The following GALNT2 variants were observed in gnomAD, a reference collection of about 807,000 sequenced individuals.
The protein encoded by GALNT2 is polypeptide N-acetylgalactosaminyltransferase 2, also known as UDP-GalNAc:polypeptide N-acetylgalactosaminyltransferase 2.
A neutral mutation model predicts 81.4 loss-of-function variants in GALNT2; 31 were observed. The ratio of observed to expected loss-of-function variants is 0.38; its 90% CI spans 0.29 to 0.51. The LOEUF (loss-of-function observed/expected upper bound fraction) is 0.51. Among genes scored for constraint, GALNT2 ranks in the 20% least tolerant of loss-of-function variants. The pLI is 0.87. For missense variants in GALNT2, 629 were observed against 765.7 expected, an observed-to-expected ratio of 0.82 and a Z score of 2.11; for synonymous variants, 303 against 287.4, an observed-to-expected ratio of 1.05 and a Z score of -0.55.
Position 230,166,444 on chromosome 1 carries a change from C to T in GALNT2, c.127-11774C>T, listed in dbSNP as rs113016862. Among the ~76,000 whole-genome samples, 255 of 152,326 alleles carry T rather than the reference C, an allele frequency of 1.7e-3. 1 individual carries two copies. Among genetic ancestry groups the T allele is most frequent in the African/African-American group, 5.8e-3 (241 of 41,574 alleles). On this transcript the variant is annotated intron_variant, in intron 1 of 15. Coordinates refer to ENST00000366672, the MANE Select transcript of GALNT2 (RefSeq NM_004481.5). ...TTTCACCATCTTTCTAAATATCCCACGTGGGTCATATCATTTTACCAACTT... is the reference window on the plus strand; with the variant it reads ...TTTCACCATCTTTCTAAATATCCCATGTGGGTCATATCATTTTACCAACTT...
At chr1:230,258,323 G>A (rs1034122741) in intron 11 of GALNT2, among the ~76,000 whole-genome samples, 33 of 151,674 alleles carry the variant, frequency 2.2e-4, no homozygotes, top group Admixed American at 1.3e-3. Context: ...TCCACCTCCC[G>A]GATTCAAGCG....
intron 13 of GALNT2, 61 bp from the exon 14 acceptor site, chr1:230,265,180 T>A: frequency 6.2e-7 from 1 of 1,610,434 alleles, no homozygotes; most frequent in Non-Finnish European, 8.5e-7. Flanking sequence ...GCAAAGGGGC[T>A]GGTGGACGGG....
intron 3 of GALNT2, among the ~76,000 whole-genome samples, chr1:230,231,473 A>G (rs927864670): frequency 5.3e-5 from 8 of 152,188 alleles, no homozygotes; most frequent in Admixed American, 1.3e-4. Flanking sequence ...ACCGTGAAAC[A>G]GCCTTCTGTG....
intron 1 of GALNT2, among the ~76,000 whole-genome samples, chr1:230,092,648 G>T (rs1660127392): frequency 6.6e-6 from 1 of 152,062 alleles, no homozygotes; most frequent in South Asian, 2.1e-4. Context: ...CTGGCCAAGG[G>T]TGACATTTCT....
chr1:230,075,103 T>C (rs1398937458), intron 1 of GALNT2, among the ~76,000 whole-genome samples: 1 of 131,766 alleles, frequency 7.6e-6, no homozygotes, highest in Non-Finnish European at 1.7e-5. Context: ...GCTTTGATAG[T>C]AGTGCTGGTC....
At chr1:230,066,468 C>G (rs535522860), upstream of GALNT2, among the ~76,000 whole-genome samples, 68 of 152,306 alleles carry the variant, frequency 4.5e-4, 1 homozygote, top group South Asian at 0.013. Context: ...GCTCTGTCAC[C>G]CACAGAAAAA....
intron 1 of GALNT2, among the ~76,000 whole-genome samples, chr1:230,088,750 G>T (rs1290178811): frequency 6.6e-6 from 1 of 151,914 alleles, no homozygotes; most frequent in East Asian, 1.9e-4. Context: ...TGTTGGCCAG[G>T]CTGGTCTTGA....
chr1:230,107,610 TTGTG>T (rs3033608), intron 1 of GALNT2, among the ~76,000 whole-genome samples: 261 of 141,184 alleles, frequency 1.8e-3, no homozygotes, highest in South Asian at 0.01. Flanking sequence ...CTCATGGACT[TTGTG>T]TGTGTGTGTG....
At chr1:230,235,347 G>T (rs540046460) in intron 3 of GALNT2, among the ~76,000 whole-genome samples, 1 of 151,970 alleles carries the variant, frequency 6.6e-6, no homozygotes, top group East Asian at 1.9e-4. Flanking sequence ...ATCAGCTTCT[G>T]TGCAGAGGTG....
intron 3 of GALNT2, among the ~76,000 whole-genome samples, chr1:230,231,808 AGAGCCTTGGACACTCAAGTGAACTT>A (rs1393240324): frequency 6.6e-6 from 1 of 152,226 alleles, no homozygotes; most frequent in Non-Finnish European, 1.5e-5. Context: ...CATTAGCACC[AGAGCCTTGGACACTCAAGTGAACTT>A]GAGCCCACAA....
chr1:230,237,263 G>C (rs1317374281), intron 6 of GALNT2, among the ~76,000 whole-genome samples: 1 of 152,238 alleles, frequency 6.6e-6, no homozygotes, highest in Non-Finnish European at 1.5e-5. Flanking sequence ...AGTTAGAAGA[G>C]AGGCTGTAAA....
intron 3 of GALNT2, among the ~76,000 whole-genome samples, chr1:230,235,158 G>T (rs1290358798): frequency 8.8e-5 from 13 of 148,122 alleles, no homozygotes; most frequent in Non-Finnish European, 1.9e-4. Context: ...AGGCTGCAGG[G>T]AGCTATGAAC....
intron 1 of GALNT2, among the ~76,000 whole-genome samples, chr1:230,140,361 C>A (rs1661691385): frequency 6.6e-6 from 1 of 152,190 alleles, no homozygotes; most frequent in Non-Finnish European, 1.5e-5. Flanking sequence ...GATTCCTACC[C>A]CTGCCACTGC....
intron 1 of GALNT2, among the ~76,000 whole-genome samples, chr1:230,170,310 T>G (rs191507683): frequency 4.6e-5 from 7 of 152,336 alleles, no homozygotes; most frequent in African/African-American, 1.7e-4. Context: ...CAGAAATATT[T>G]GAGAGACTGA....
intron 1 of GALNT2, among the ~76,000 whole-genome samples, chr1:230,077,590 C>T (rs943863801): frequency 6.6e-6 from 1 of 152,044 alleles, no homozygotes; most frequent in African/African-American, 2.4e-5. Flanking sequence ...TAGATAGATA[C>T]AAAGGAAAAT....
At chr1:230,232,624 C>A (rs1310686592) in intron 3 of GALNT2, among the ~76,000 whole-genome samples, 2 of 152,236 alleles carry the variant, frequency 1.3e-5, no homozygotes, top group Non-Finnish European at 2.9e-5. Flanking sequence ...TTAAGTGGGA[C>A]CTAATTGCAG....
rs1398972106 is a variant in GALNT2, at chr1:230,070,658, A to C, written c.126+3252A>C. Among the ~76,000 whole-genome samples the C allele has an allele frequency of 1.3e-5, 2 of 152,092 alleles. No individual in the cohort carries two copies. Among genetic ancestry groups the C allele is most frequent in the East Asian group, 1.9e-4 (1 of 5,174 alleles). Reference sequence around the variant, plus strand: ...TCCTGTGGCCCTTGCCCGAGAGTCCAAGGGTGGGGGACTTTGGGTGGGATC... The same window carrying C: ...TCCTGTGGCCCTTGCCCGAGAGTCCCAGGGTGGGGGACTTTGGGTGGGATC... On this transcript the variant is annotated intron_variant, in intron 1 of 15. Transcript: ENST00000366672. This position sits in a 1 kb window ranked among gnomAD's most constrained non-coding sequence, Gnocchi z 4.7.
intron 8 of GALNT2, among the ~76,000 whole-genome samples, chr1:230,248,582 T>C (rs1449375576): frequency 6.6e-6 from 1 of 152,190 alleles, no homozygotes; most frequent in Non-Finnish European, 1.5e-5. Flanking sequence ...AAAAATGAAA[T>C]GCAACAGGTG....
At chr1:230,057,993 T>C (rs1215474374) in exon 1 of GALNT2, 1 of 455,746 alleles carries the variant, frequency 2.2e-6, no homozygotes, top group African/African-American at 2.0e-5. Flanking sequence ...GATACAAGAG[T>C]GTACACGAAC....
Sources: gnomAD v4.1 joint callset for allele counts (sites outside exome capture counted in the v4.1 genomes callset) on GRCh38, gnomAD v4.1.1 for gene constraint, Gnocchi (gnomAD v3.1) non-coding constraint, MANE v1.5 for transcripts, NCBI Gene and HGNC (gene_info 2026-07-23, HGNC 2026-07-21) for gene names.